The following RADIL variants were observed in gnomAD, a reference collection of about 807,000 sequenced individuals.
The protein encoded by RADIL is Rap associating with DIL domain, also known as ras-associating and dilute domain-containing protein.
In RADIL, 99 loss-of-function variants were observed where a neutral mutation model predicts 97.6. The observed-to-expected ratio is 1.01, with a 90% CI of 0.86 to 1.20. The LOEUF (loss-of-function observed/expected upper bound fraction) is 1.20. RADIL is among the 50% of genes most tolerant of loss of function. The probability of loss-of-function intolerance (pLI) is 0.00; values close to 1 mark genes in which losing one functional copy is unlikely to be tolerated. For synonymous variants in RADIL, 803 were observed against 691.8 expected, an observed-to-expected ratio of 1.16 and a Z score of -2.52; for missense variants, 1,765 against 1,498.9, an observed-to-expected ratio of 1.18 and a Z score of -2.93.
Position 4,835,664 on chromosome 7 carries a change from G to T in RADIL, c.784-425C>A, listed in dbSNP as rs889466096. 6.6e-6 allele frequency among the ~76,000 whole-genome samples: 1 copy of T among 152,180 alleles called. No individual in the cohort carries two copies. The highest frequency in any genetic ancestry group is 2.4e-5 in the African/African-American group (1 of 41,448). On this transcript the variant is annotated intron_variant, in intron 3 of 14. Coordinates refer to ENST00000399583, the MANE Select transcript of RADIL (RefSeq NM_018059.5). This position sits in a 1 kb window ranked among gnomAD's most constrained non-coding sequence, Gnocchi z 5.8. Reference sequence around the variant, plus strand: ...GCACTGCCGCCTGTGTGAGAGCACTGCCCCGAGGGAAGATGCCACCTAAAA... The same window carrying T: ...GCACTGCCGCCTGTGTGAGAGCACTTCCCCGAGGGAAGATGCCACCTAAAA...
At chr7:4,800,957 A>G (rs1782063490) in intron 12 of RADIL, among the ~76,000 whole-genome samples, 1 of 152,218 alleles carries the variant, frequency 6.6e-6, no homozygotes, top group Admixed American at 6.5e-5. Context: ...ACAGGAGGCC[A>G]GGGCCGGCTG....
rs1782759143 is a variant in RADIL at position 4,819,109 on chromosome 7, T to C, written c.1616-1758A>G. Among the ~76,000 whole-genome samples the C allele has an allele frequency of 6.7e-6, 1 of 149,104 alleles. No homozygotes were observed. Among genetic ancestry groups the C allele is most frequent in the African/African-American group, 2.5e-5 (1 of 39,976 alleles). On this transcript the variant is annotated intron_variant, in intron 6 of 14. Transcript: ENST00000399583. This position sits in a 1 kb window ranked among gnomAD's most constrained non-coding sequence, Gnocchi z 5.8. ...TTTTTAAAGACAGAGTCTCACTCTG[T>C]CGCCCAGGCTGGAGTGCAATGACAC...
intron 2 of RADIL, among the ~76,000 whole-genome samples, chr7:4,855,426 G>A (rs955218684): frequency 3.9e-5 from 6 of 152,122 alleles, no homozygotes; most frequent in African/African-American, 1.4e-4. Flanking sequence ...GTGTCCCACA[G>A]CATGAGGGTG....
intron 9 of RADIL, among the ~76,000 whole-genome samples, chr7:4,807,465 T>C (rs1019173728): frequency 1.3e-5 from 2 of 151,714 alleles, no homozygotes; most frequent in South Asian, 2.1e-4. Flanking sequence ...CTCTCCTCCT[T>C]CTTCCCTCTC....
At position 4,880,290 on chromosome 7, in the gene RADIL, A is replaced by G. The variant is rs972960235; in HGVS notation, c.-64-2087T>C. On this transcript the variant is annotated intron_variant, in intron 1 of 14. Transcript: ENST00000399583. The surrounding 1 kb of genome is among the most constrained non-coding windows in gnomAD (Gnocchi z 4.5). ...GGCCTTGTCAAATCCTAAGAAGCTC[A>G]GAGCCGGCCGCAGCTTCCCCCACGG... is the stretch of plus-strand genomic sequence containing the variant. 2.0e-5 allele frequency among the ~76,000 whole-genome samples: 3 copies of G among 152,198 alleles called. No homozygotes were observed. Among genetic ancestry groups the G allele is most frequent in the Non-Finnish European group, 4.4e-5 (3 of 68,032 alleles).
In RADIL at chr7:4,879,441, T is replaced by C. The variant is rs565234733; in HGVS notation, c.-64-1238A>G. 6.6e-6 allele frequency among the ~76,000 whole-genome samples: 1 copy of C among 152,326 alleles called. No individual in the cohort carries two copies. Among genetic ancestry groups the C allele is most frequent in the Non-Finnish European group, 1.5e-5 (1 of 68,020 alleles). ...AACTGCGCACACATCTCCCCATTAC[T>C]GTACCCCACTTCCGTGCTCATGTTC... On this transcript the variant is annotated intron_variant, in intron 1 of 14. Transcript: ENST00000399583. This position sits in a 1 kb window ranked among gnomAD's most constrained non-coding sequence, Gnocchi z 4.1.
intron 2 of RADIL, among the ~76,000 whole-genome samples, chr7:4,868,973 A>C (rs1209958881): frequency 1.3e-5 from 2 of 152,174 alleles, no homozygotes; most frequent in Non-Finnish European, 2.9e-5. Context: ...CTAAAAATAC[A>C]AAAATTAGCC....
chr7:4,805,905 G>A (rs1782290310), intron 9 of RADIL, 189 bp from the exon 10 acceptor site: 4 of 985,400 alleles, frequency 4.1e-6, no homozygotes, highest in Non-Finnish European at 1.2e-6. Flanking sequence ...TCCAAGGGCA[G>A]CTGCTCCAGG....
At position 4,801,672 on chromosome 7, in the gene RADIL, G is replaced by C; in HGVS notation, c.2823C>G (p.Leu941=). 1.2e-6 allele frequency: 2 copies of C among 1,602,506 alleles called. No homozygotes were observed. The highest frequency in any genetic ancestry group is 1.7e-6 in the Non-Finnish European group (2 of 1,175,686). Residue 941 remains leucine, a synonymous_variant, in exon 12 of 15, where the codon CTC becomes CTG. Coordinates refer to ENST00000399583, the MANE Select transcript of RADIL (RefSeq NM_018059.5). ...GCTCACCTTCCGGAGCTGCACCCCG[G>C]AGGCCGCTGAGTCCGTTCCTCTGCC... The part of the protein sequence containing the change: ...PERQRNGLSG[L]RGAAPEGDSA...
chr7:4,809,231 G>A, intron 9 of RADIL: 1 of 985,312 alleles, frequency 1.0e-6, no homozygotes. Context: ...ATCTCCCGCA[G>A]GGGCGCTCGG....
chr7:4,820,376 G>A (rs990236829), intron 6 of RADIL, among the ~76,000 whole-genome samples: 11 of 152,206 alleles, frequency 7.2e-5, no homozygotes, highest in African/African-American at 2.4e-4. Context: ...TGGAGACTTA[G>A]GGACCCACAG....
Position 4,835,820 on chromosome 7 carries a change from G to A in RADIL, c.783+538C>T, listed in dbSNP as rs554110599. ...CAGTTGTCTGGCAGGGCAAGTGTCC[G>A]GCAAGGTGAGGCGAGGTGGCCCTGC... On this transcript the variant is annotated intron_variant, in intron 3 of 14. Transcript: ENST00000399583. This position sits in a 1 kb window ranked among gnomAD's most constrained non-coding sequence, Gnocchi z 5.8. Among the ~76,000 whole-genome samples, 23 of 152,358 alleles carry A rather than the reference G, an allele frequency of 1.5e-4. No individual in the cohort carries two copies. The highest frequency in any genetic ancestry group is 5.3e-4 in the African/African-American group (22 of 41,600).
intron 2 of RADIL, among the ~76,000 whole-genome samples, chr7:4,870,343 C>T (rs1230902516): frequency 2.0e-5 from 3 of 152,172 alleles, no homozygotes; most frequent in African/African-American, 4.8e-5. Context: ...CCATGAGAGA[C>T]GCTACTCAGT....
chr7:4,871,380 G>T (rs561055965), intron 2 of RADIL, among the ~76,000 whole-genome samples: 3 of 152,352 alleles, frequency 2.0e-5, no homozygotes, highest in African/African-American at 7.2e-5. Flanking sequence ...GTCGGCAGAG[G>T]AAGGCAGCGG....
intron 2 of RADIL, among the ~76,000 whole-genome samples, chr7:4,875,365 C>T (rs1267271216): frequency 6.6e-6 from 1 of 151,962 alleles, no homozygotes; most frequent in East Asian, 1.9e-4. Flanking sequence ...TGCACTCCAG[C>T]CTGGGCGACA....
intron 1 of RADIL, chr7:4,882,254 G>A (rs903337335): frequency 4.3e-4 from 65 of 152,374 alleles, no homozygotes; most frequent in African/African-American, 1.3e-3. Flanking sequence ...GAATGGGATG[G>A]ACTCGTTTTT....
rs76862906 is a variant in RADIL, at chr7:4,834,619, G to C, written c.1404C>G (p.Arg468=). The change falls in exon 4 of 15, where the codon CGC becomes CGG. Residue 468 remains arginine (R), a synonymous_variant. Transcript: ENST00000399583. The surrounding 1 kb of genome is among the most constrained non-coding windows in gnomAD (Gnocchi z 6.0). ...QLLLKIARLI[R]ETVWEKTKEL... is the part of the protein sequence containing the mutation. ...CCAGCACACTGACCCAGACAGTCTC[G>C]CGGATCAGCCTGGCTATCTTGAGCA... 44 of 1,334,254 alleles carry C rather than the reference G, an allele frequency of 3.3e-5. No individual in the cohort carries two copies. Among genetic ancestry groups the C allele is most frequent in the East Asian group, 1.1e-4 (4 of 35,028 alleles). The allele number at this position is 1,334,254 out of a possible 1,614,324, so 82.7% of individuals were successfully genotyped here.
Position 4,805,457 on chromosome 7 carries a change from G to A in RADIL, c.2290+109C>T, listed in dbSNP as rs993407244. On this transcript the variant is annotated intron_variant, in intron 10 of 14. Coordinates refer to ENST00000399583, the MANE Select transcript of RADIL (RefSeq NM_018059.5). Reference sequence around the variant, plus strand: ...CTCCTCCAGGGAGGTCCCCAGGAGAGAGGTCCCCCACACCCCACTTCAGTT... The same window carrying A: ...CTCCTCCAGGGAGGTCCCCAGGAGAAAGGTCCCCCACACCCCACTTCAGTT... 2.2e-6 allele frequency: 3 copies of A among 1,356,646 alleles called. No homozygotes were observed. In the African/African-American group the frequency reaches 4.4e-5, roughly 20 times the overall value. 84.0% of individuals were successfully genotyped at this position (1,356,646 alleles called of 1,614,324 possible).
chr7:4,836,300 T>A (rs1276905275), intron 3 of RADIL, 58 bp downstream of exon 3: 2 of 1,549,132 alleles, frequency 1.3e-6, no homozygotes, highest in African/African-American at 1.4e-5. Context: ...GACTTCTGAG[T>A]CCCGCCTGCT....
Sources: allele counts gnomAD v4.1 joint callset (sites outside exome capture counted in the v4.1 genomes callset), GRCh38; gene constraint gnomAD v4.1.1; non-coding constraint Gnocchi (gnomAD v3.1); transcripts MANE v1.5; gene names NCBI Gene and HGNC (gene_info 2026-07-23, HGNC 2026-07-21).